MXD1: variants seen among roughly 807,000 people sequenced by gnomAD.
MXD1 encodes MAX dimerization protein 1.
A neutral mutation model predicts 25.7 loss-of-function variants in MXD1; 9 were observed. The observed-to-expected ratio is 0.35, with a 90% CI of 0.21 to 0.61. The LOEUF is 0.61. Among genes scored for constraint, MXD1 ranks in the 20% least tolerant of loss-of-function variants. MXD1 has a pLI of 0.75. For missense variants in MXD1, 227 were observed against 292.4 expected (o/e 0.78, Z 1.63); for synonymous variants, 99 against 113.9 (o/e 0.87, Z 0.83).
chr2:69,926,523 G>T (rs1418605143), intron 3 of MXD1, among the ~76,000 whole-genome samples: 8 of 152,040 alleles, frequency 5.3e-5, no homozygotes, highest in Non-Finnish European at 1.2e-4. Flanking sequence ...CCAGGATTTG[G>T]TATGTGCCTT....
At chr2:69,919,731 A>G (rs1677027015) in intron 2 of MXD1, among the ~76,000 whole-genome samples, 1 of 152,238 alleles carries the variant, frequency 6.6e-6, no homozygotes, top group Admixed American at 6.5e-5. Context: ...TTTGCAGTAT[A>G]TGCCAGATTC....
At chr2:69,937,037 T>C in intron 4 of MXD1, 198 bp from the exon 5 acceptor site, 1 of 729,716 alleles carries the variant, frequency 1.4e-6, no homozygotes, top group Non-Finnish European at 2.5e-6. Flanking sequence ...CCCCCAGCAC[T>C]GGCGATGCTG....
intron 3 of MXD1, among the ~76,000 whole-genome samples, chr2:69,928,814 C>G (rs987826938): frequency 1.3e-5 from 2 of 152,104 alleles, no homozygotes; most frequent in Non-Finnish European, 2.9e-5. Flanking sequence ...CCACTACACT[C>G]CAGCCTGGTT....
chr2:69,939,258 A>G lies in MXD1; in HGVS notation c.*974A>G, dbSNP rs1175529939. The G allele has an allele frequency of 2.0e-5, 3 of 152,672 alleles. No homozygotes were observed. Among genetic ancestry groups the G allele is most frequent in the Admixed American group, 2.0e-4 (3 of 15,292 alleles). The allele number at this position is 152,672 out of a possible 1,614,324, so 9.5% of individuals were successfully genotyped here. ...CTAGTAGCCATTATCAGTGAAAGAA[A>G]AAGTCCACATTTCTACTCTCTGTTG... On this transcript the variant is annotated 3_prime_UTR_variant, in exon 6 of 6. Coordinates refer to ENST00000264444, the MANE Select transcript of MXD1 (RefSeq NM_002357.4).
chr2:69,935,636 C>T (rs1316239270), intron 4 of MXD1, among the ~76,000 whole-genome samples, 171 bp downstream of exon 4: 1 of 152,152 alleles, frequency 6.6e-6, no homozygotes, highest in African/African-American at 2.4e-5. Flanking sequence ...GTTTCTCACT[C>T]CCATGCACCA....
chr2:69,922,868 A>G (rs1489372049), intron 3 of MXD1, among the ~76,000 whole-genome samples: 15 of 139,894 alleles, frequency 1.1e-4, no homozygotes, highest in African/African-American at 4.0e-4. Flanking sequence ...CAACAGAGTG[A>G]GACTCCGTCT....
chr2:69,925,947 A>T (rs982325143), intron 3 of MXD1, among the ~76,000 whole-genome samples: 7 of 152,210 alleles, frequency 4.6e-5, no homozygotes, highest in African/African-American at 1.7e-4. Flanking sequence ...AAAAAATAAA[A>T]AAACACACAG....
Position 69,915,360 on chromosome 2 carries a change from G to C in MXD1, c.30G>C (p.Gln10His). The C allele has an allele frequency of 7.7e-7, 1 of 1,295,376 alleles. No individual in the cohort carries two copies. Among genetic ancestry groups the C allele is most frequent in the Non-Finnish European group, 9.9e-7 (1 of 1,012,300 alleles). 80.2% of individuals were successfully genotyped at this position (1,295,376 alleles called of 1,614,324 possible). ...CGGCGGCGGTTCGGATGAACATCCA[G>C]ATGCTGCTGGAGGCGGCCGACTATC... MAAAVRMNI[Q>H]MLLEAADYLE... The change falls in exon 1 of 6, where the codon CAG becomes CAC. Residue 10 changes from glutamine to histidine, a missense_variant. Coordinates refer to ENST00000264444, the MANE Select transcript of MXD1 (RefSeq NM_002357.4). The surrounding 1 kb of genome is among the most constrained non-coding windows in gnomAD (Gnocchi z 5.8).
intron 2 of MXD1, among the ~76,000 whole-genome samples, chr2:69,920,588 C>A (rs766028249): frequency 6.6e-6 from 1 of 152,076 alleles, no homozygotes; most frequent in Non-Finnish European, 1.5e-5. Flanking sequence ...AGTGGCTGAG[C>A]ACTCTTGAGG....
intron 4 of MXD1, among the ~76,000 whole-genome samples, chr2:69,936,810 T>C (rs1485544963): frequency 6.6e-6 from 1 of 152,240 alleles, no homozygotes; most frequent in Non-Finnish European, 1.5e-5. Context: ...TTGGGACATG[T>C]ACTTGAATAA....
chr2:69,941,861 TATACACACACAC>T lies in MXD1; in HGVS notation c.*3579_*3590del, dbSNP rs1677611407. ...AACTTATTTTTGAAAAGTATCTATA[TATACACACACAC>T]ACACACACACACATATTATTATTTA... is the stretch of plus-strand genomic sequence containing the variant. On this transcript the variant is annotated 3_prime_UTR_variant, in exon 6 of 6. Transcript: ENST00000264444. The T allele has an allele frequency of 6.6e-6, 1 of 151,252 alleles. No individual in the cohort carries two copies. The highest frequency in any genetic ancestry group is 2.5e-5 in the African/African-American group (1 of 40,766). The allele number at this position is 151,252 out of a possible 1,614,324, so 9.4% of individuals were successfully genotyped here. A position where few individuals can be genotyped will look rare whatever the true frequency, so the allele number is the denominator to read the frequency against.
In MXD1 at chr2:69,942,081, C is replaced by A. The variant is rs1274694702; in HGVS notation, c.*3797C>A. The A allele has an allele frequency of 6.6e-6, 1 of 152,176 alleles. No individual in the cohort carries two copies. The highest frequency in any genetic ancestry group is 1.5e-5 in the Non-Finnish European group (1 of 68,042). 9.4% of individuals were successfully genotyped at this position (152,176 alleles called of 1,614,324 possible). On this transcript the variant is annotated 3_prime_UTR_variant, in exon 6 of 6. Transcript: ENST00000264444. ...CCCAAGTTTGTCTGTCCCCCTTTGC[C>A]TTCCCTGAGTGTTGAACATCAGGTA...
intron 3 of MXD1, among the ~76,000 whole-genome samples, chr2:69,926,331 C>T (rs112382761): frequency 1.4e-4 from 21 of 151,572 alleles, no homozygotes; most frequent in African/African-American, 4.6e-4. Context: ...TATACCCTTT[C>T]ATTCTCCTTT....
intron 3 of MXD1, among the ~76,000 whole-genome samples, chr2:69,923,607 T>A (rs2104172744): frequency 6.8e-6 from 1 of 146,828 alleles, no homozygotes; most frequent in South Asian, 2.2e-4. Flanking sequence ...TGTGTGATGC[T>A]GAGTGTGCCT....
intron 5 of MXD1, among the ~76,000 whole-genome samples, chr2:69,937,626 T>C (rs1055779091): frequency 3.3e-5 from 5 of 152,188 alleles, no homozygotes; most frequent in African/African-American, 1.2e-4. Context: ...TTGTTTTGTT[T>C]TGTTTTGAGA....
chr2:69,937,586 A>G (rs899403800), intron 5 of MXD1, among the ~76,000 whole-genome samples, 192 bp downstream of exon 5: 2 of 152,118 alleles, frequency 1.3e-5, no homozygotes, highest in Non-Finnish European at 2.9e-5. Context: ...ACCCCAGAAG[A>G]GTTTGATTGG....
chr2:69,937,015 A>AC (rs1677463017), intron 4 of MXD1: 2 of 668,730 alleles, frequency 3.0e-6, no homozygotes, highest in Admixed American at 2.1e-5. Flanking sequence ...AATCCCTGTG[A>AC]CAGGACAAGT....
rs891637659 is a variant in MXD1 at position 69,939,960 on chromosome 2, T to G, written c.*1676T>G. 1.3e-5 allele frequency: 2 copies of G among 152,302 alleles called. No individual in the cohort carries two copies. Among genetic ancestry groups the G allele is most frequent in the African/African-American group, 4.8e-5 (2 of 41,452 alleles). The allele number at this position is 152,302 out of a possible 1,614,324, so 9.4% of individuals were successfully genotyped here. On this transcript the variant is annotated 3_prime_UTR_variant, in exon 6 of 6. Coordinates refer to ENST00000264444, the MANE Select transcript of MXD1 (RefSeq NM_002357.4). The stretch of plus-strand genomic sequence containing the variant: ...CTCATTCTATACCCGAAGAGCAGTC[T>G]CAGAAAGCAAGATTACTTTTGTGTT...
chr2:69,938,426 A>C lies in MXD1; in HGVS notation c.*142A>C. The C allele has an allele frequency of 1.3e-6, 1 of 796,054 alleles. No individual in the cohort carries two copies. The highest frequency in any genetic ancestry group is 2.0e-6 in the Non-Finnish European group (1 of 499,660). 49.3% of individuals were successfully genotyped at this position (796,054 alleles called of 1,614,324 possible). ...AAAATCAGCTTTGTAACTGTTTTCA[A>C]GGAGGTGCTTAGGATTGTGGGTTTC... On this transcript the variant is annotated 3_prime_UTR_variant, in exon 6 of 6. Transcript: ENST00000264444.
Sources: gnomAD v4.1 joint callset for allele counts (sites outside exome capture counted in the v4.1 genomes callset) on GRCh38, gnomAD v4.1.1 for gene constraint, Gnocchi (gnomAD v3.1) non-coding constraint, MANE v1.5 for transcripts, NCBI Gene and HGNC (gene_info 2026-07-23, HGNC 2026-07-21) for gene names.